The following NFATC1 variants were observed in gnomAD, a reference collection of about 807,000 sequenced individuals.
NFATC1 encodes the protein nuclear factor of activated T cells 1.
In NFATC1, 22 loss-of-function variants were observed where a neutral mutation model predicts 76.0. The observed-to-expected ratio is 0.29, with a 90% CI of 0.21 to 0.41. NFATC1 has a LOEUF of 0.41. Among genes scored for constraint, NFATC1 ranks in the 10% least tolerant of loss-of-function variants. NFATC1 has a pLI of 1.00. For missense variants in NFATC1, 1,357 were observed against 1,337.7 expected (o/e 1.01, Z -0.23); for synonymous variants, 704 against 613.1 (o/e 1.15, Z -2.19).
chr18:79,423,808 C>T (rs2086185308), intron 2 of NFATC1, among the ~76,000 whole-genome samples: 1 of 152,232 alleles, frequency 6.6e-6, no homozygotes, highest in South Asian at 2.1e-4. Context: ...GCCGCCTTCC[C>T]TCCCATGGGC....
intron 1 of NFATC1, among the ~76,000 whole-genome samples, chr18:79,409,419 C>G (rs2085577284): frequency 6.6e-6 from 1 of 152,066 alleles, no homozygotes; most frequent in South Asian, 2.1e-4. Context: ...ATCCATCCAT[C>G]CATCACCATC....
Position 79,517,560 on chromosome 18 carries a change from G to A in NFATC1, c.2783-9968G>A, listed in dbSNP as rs529613686. ...GAAGAGGCAATAGGAACATGCCCCC[G>A]TAGGCCGTGGGTGGCATCACGACGG... On this transcript the variant is annotated intron_variant, in intron 9 of 9. Coordinates refer to ENST00000427363, the MANE Select transcript of NFATC1 (RefSeq NM_001278669.2). Among the ~76,000 whole-genome samples, 437 of 152,308 alleles carry A rather than the reference G, an allele frequency of 2.9e-3. 1 individual carries two copies. The highest frequency in any genetic ancestry group is 9.9e-3 in the African/African-American group (411 of 41,572).
intron 2 of NFATC1, among the ~76,000 whole-genome samples, chr18:79,417,857 G>T (rs1313056407): frequency 1.4e-5 from 1 of 69,606 alleles, no homozygotes; most frequent in Non-Finnish European, 3.0e-5. Context: ...ATCGGCTGTG[G>T]TGGGAGATGG....
chr18:79,472,934 T>A (rs1212737953), intron 8 of NFATC1, among the ~76,000 whole-genome samples: 1 of 152,216 alleles, frequency 6.6e-6, no homozygotes, highest in Non-Finnish European at 1.5e-5. Flanking sequence ...GCACCCCTCG[T>A]GCGCCCTCCA....
chr18:79,406,036 A>G (rs1295827333), intron 1 of NFATC1, among the ~76,000 whole-genome samples: 2 of 151,632 alleles, frequency 1.3e-5, no homozygotes, highest in Non-Finnish European at 2.9e-5. Context: ...TTCATCTAGA[A>G]CCTTCCGGTG....
intron 7 of NFATC1, among the ~76,000 whole-genome samples, chr18:79,462,133 T>G (rs1452864190): frequency 6.6e-6 from 1 of 152,124 alleles, no homozygotes; most frequent in Non-Finnish European, 1.5e-5. Context: ...ACCTTTTGTG[T>G]GGATGGCTGT....
Position 79,410,586 on chromosome 18 carries a change from C to A in NFATC1, c.311C>A (p.Ser104Tyr). Residue 104 changes from serine (S) to tyrosine (Y), a missense_variant, in exon 2 of 10, where the codon TCC (serine) becomes TAC (tyrosine). Ser to Tyr is a moderately radical substitution (Grantham distance 144). Transcript: ENST00000427363. The surrounding 1 kb of genome is among the most constrained non-coding windows in gnomAD (Gnocchi z 6.7). ...DGGPAGYFLS[S>Y]GHTRPDGAPA... Reference sequence around the variant, plus strand: ...GGGCCCGCGGGCTACTTCCTCTCCTCCGGCCACACCAGGCCTGATGGGGCC... The same window carrying A: ...GGGCCCGCGGGCTACTTCCTCTCCTACGGCCACACCAGGCCTGATGGGGCC... 5.0e-6 allele frequency: 8 copies of A among 1,612,330 alleles called. No homozygotes were observed. The highest frequency in any genetic ancestry group is 6.8e-6 in the Non-Finnish European group (8 of 1,179,992).
At chr18:79,424,113 TG>T (rs1224447652) in intron 2 of NFATC1, among the ~76,000 whole-genome samples, 1 of 152,166 alleles carries the variant, frequency 6.6e-6, no homozygotes, top group Non-Finnish European at 1.5e-5. Flanking sequence ...GGGTCATCCC[TG>T]GGGCAGGCTG....
rs747870051 is a variant in NFATC1, at chr18:79,396,210, G to C, written c.-15G>C. ...GCCTCCGCCCGCCGCTCCACTCCCC[G>C]CCGCCGCCGCGCGGATGCCAAGCAC... On this transcript the variant is annotated 5_prime_UTR_variant, in exon 1 of 10. Transcript: ENST00000427363. 9 of 1,434,962 alleles carry C rather than the reference G, an allele frequency of 6.3e-6. No homozygotes were observed. Among genetic ancestry groups the C allele is most frequent in the Middle Eastern group, 2.4e-4 (1 of 4,192 alleles). The allele number at this position is 1,434,962 out of a possible 1,614,324, so 88.9% of individuals were successfully genotyped here.
At chr18:79,415,833 A>T (rs552533481) in intron 2 of NFATC1, among the ~76,000 whole-genome samples, 1 of 152,128 alleles carries the variant, frequency 6.6e-6, no homozygotes, top group East Asian at 2.0e-4. Context: ...AGGCCGAGGC[A>T]GGTGGATCAG....
chr18:79,511,647 C>T (rs912103390), intron 9 of NFATC1, among the ~76,000 whole-genome samples: 1 of 152,144 alleles, frequency 6.6e-6, no homozygotes. Flanking sequence ...GACACGTCTG[C>T]GCCCCTGAGC....
At chr18:79,486,027 G>A (rs2089482027) in intron 8 of NFATC1, among the ~76,000 whole-genome samples, 1 of 152,040 alleles carries the variant, frequency 6.6e-6, no homozygotes, top group South Asian at 2.1e-4. Context: ...GCTGCAGGAG[G>A]TTCCAAGGAA....
intron 1 of NFATC1, among the ~76,000 whole-genome samples, chr18:79,407,253 G>A (rs1219741730): frequency 2.6e-5 from 4 of 152,240 alleles, no homozygotes; most frequent in Admixed American, 1.3e-4. Flanking sequence ...GGGGCGGGGG[G>A]CACAGTGGAT....
chr18:79,498,331 A>T (rs1364020981), intron 9 of NFATC1: 1 of 150,892 alleles, frequency 6.6e-6, no homozygotes, highest in Admixed American at 6.6e-5. Flanking sequence ...CAGATAGAGA[A>T]TATCCATAAT....
intron 9 of NFATC1, among the ~76,000 whole-genome samples, chr18:79,499,731 G>A (rs1024874643): frequency 3.9e-5 from 6 of 152,056 alleles, no homozygotes; most frequent in African/African-American, 1.2e-4. Flanking sequence ...GGAGATAATG[G>A]AAAAAATACA....
chr18:79,507,942 C>T (rs530257055), intron 9 of NFATC1, among the ~76,000 whole-genome samples: 2 of 152,230 alleles, frequency 1.3e-5, no homozygotes, highest in East Asian at 1.9e-4. Context: ...CCGCAGTCGC[C>T]GCGTCAGGCG....
At chr18:79,408,582 G>T (rs903385319) in intron 1 of NFATC1, among the ~76,000 whole-genome samples, 11 of 152,244 alleles carry the variant, frequency 7.2e-5, no homozygotes, top group Non-Finnish European at 4.4e-5. Flanking sequence ...ATCTCCATGA[G>T]GGGGATTTCA....
At chr18:79,412,166 TGA>T (rs1483887413) in intron 2 of NFATC1, among the ~76,000 whole-genome samples, 4 of 152,230 alleles carry the variant, frequency 2.6e-5, no homozygotes, top group Non-Finnish European at 5.9e-5. Context: ...TTTAACCGTG[TGA>T]GGGGCTGCTG....
chr18:79,463,784 C>T (rs900360016), intron 7 of NFATC1, among the ~76,000 whole-genome samples: 1 of 152,234 alleles, frequency 6.6e-6, no homozygotes, highest in African/African-American at 2.4e-5. Flanking sequence ...CTGGCTCCGT[C>T]GGGGTCTCCA....
Sources: gnomAD v4.1 joint callset for allele counts (sites outside exome capture counted in the v4.1 genomes callset) on GRCh38, gnomAD v4.1.1 for gene constraint, Gnocchi (gnomAD v3.1) non-coding constraint, MANE v1.5 for transcripts, NCBI Gene and HGNC (gene_info 2026-07-23, HGNC 2026-07-21) for gene names.